Variants in TTC29 observed in about 807,000 individuals in gnomAD.
The protein encoded by TTC29 is tetratricopeptide repeat protein 29.
A neutral mutation model predicts 58.1 loss-of-function variants in TTC29; 49 were observed. That is an observed-to-expected ratio of 0.84 (90% CI 0.67 to 1.07). TTC29 has a LOEUF of 1.07. Among genes scored for constraint, TTC29 ranks in the 50% least tolerant of loss-of-function variants. The pLI, the probability that TTC29 is intolerant of heterozygous loss-of-function variation, is 0.00. For synonymous variants in TTC29, 209 were observed against 196.8 expected, an observed-to-expected ratio of 1.06 and a Z score of -0.52; for missense variants, 582 against 555.6, an observed-to-expected ratio of 1.05 and a Z score of -0.48.
intron 4 of TTC29, among the ~76,000 whole-genome samples, chr4:146,919,425 A>G (rs1734442168): frequency 6.6e-6 from 1 of 151,096 alleles, no homozygotes; most frequent in Non-Finnish European, 1.5e-5. Flanking sequence ...CTAATATAAC[A>G]AGAAGAAACA....
chr4:146,824,701 G>A (rs1332222016), intron 9 of TTC29, among the ~76,000 whole-genome samples: 1 of 152,126 alleles, frequency 6.6e-6, no homozygotes, highest in African/African-American at 2.4e-5. Context: ...TCATATATCT[G>A]GCAGAATTCA....
intron 4 of TTC29, among the ~76,000 whole-genome samples, chr4:146,930,084 CAT>C (rs70958534): frequency 0.018 from 1,398 of 77,392 alleles, 20 homozygotes; most frequent in East Asian, 0.024. Context: ...TGTGTGTGTG[CAT>C]ATATATATAT....
chr4:146,895,997 C>T (rs1406831262), intron 6 of TTC29, among the ~76,000 whole-genome samples: 4 of 152,022 alleles, frequency 2.6e-5, no homozygotes, highest in Non-Finnish European at 5.9e-5. Flanking sequence ...ATTAAAAATG[C>T]AGATAAAAAT....
At chr4:146,841,788 T>C (rs1391603325) in intron 8 of TTC29, among the ~76,000 whole-genome samples, 1 of 151,996 alleles carries the variant, frequency 6.6e-6, no homozygotes, top group Non-Finnish European at 1.5e-5. Context: ...CTGGAAGGTG[T>C]TCTACTGAGC....
chr4:146,761,560 G>T (rs1746902493), intron 11 of TTC29, among the ~76,000 whole-genome samples: 1 of 151,824 alleles, frequency 6.6e-6, no homozygotes, highest in Admixed American at 6.6e-5. Context: ...AGCTAAGTGT[G>T]GGTGAATAAT....
intron 11 of TTC29, among the ~76,000 whole-genome samples, chr4:146,763,365 T>C (rs543929093): frequency 6.6e-6 from 1 of 152,198 alleles, no homozygotes; most frequent in African/African-American, 2.4e-5. Context: ...TTTCTGACTT[T>C]TTTAACTACA....
At chr4:146,825,850 T>C (rs1185083619) in intron 9 of TTC29, among the ~76,000 whole-genome samples, 1 of 152,198 alleles carries the variant, frequency 6.6e-6, no homozygotes, top group East Asian at 1.9e-4. Context: ...CCTTTACCAT[T>C]ATGTAATGCT....
chr4:146,915,921 A>T (rs1449740635), intron 4 of TTC29, among the ~76,000 whole-genome samples: 1 of 151,932 alleles, frequency 6.6e-6, no homozygotes, highest in African/African-American at 2.4e-5. Context: ...ATCAAAAGAT[A>T]TGTAACATCT....
At position 146,803,597 on chromosome 4, in the gene TTC29, T is replaced by C; in HGVS notation, c.1190A>G (p.Lys397Arg). The C allele has an allele frequency of 6.2e-7, 1 of 1,609,108 alleles. No homozygotes were observed. Among genetic ancestry groups the C allele is most frequent in the Non-Finnish European group, 8.5e-7 (1 of 1,177,442 alleles). Residue 397 changes from lysine to arginine, a missense_variant, in exon 11 of 13, where the codon AAA becomes AGA. Transcript: ENST00000325106. ...AGCTTTTGCTATTCCATAGTGAACT[T>C]TTGTCTCATCCATCAGAGGCATGCT... ...LMSMPLMDET[K>R]VHYGIAKAHQ... is the part of the protein sequence containing the mutation.
chr4:146,752,166 C>A (rs1746054861), intron 11 of TTC29, among the ~76,000 whole-genome samples: 1 of 151,594 alleles, frequency 6.6e-6, no homozygotes, highest in African/African-American at 2.4e-5. Context: ...ATCTAGAAAA[C>A]CCCATTGTCT....
intron 11 of TTC29, among the ~76,000 whole-genome samples, chr4:146,772,531 G>C (rs941642393): frequency 6.6e-6 from 1 of 152,012 alleles, no homozygotes; most frequent in African/African-American, 2.4e-5. Flanking sequence ...TCAGATGATT[G>C]CAGGTGCGCA....
chr4:146,813,633 G>C (rs191189403), intron 10 of TTC29, among the ~76,000 whole-genome samples: 187 of 152,140 alleles, frequency 1.2e-3, no homozygotes, highest in African/African-American at 4.5e-3. Context: ...AGAAAATATT[G>C]GGTTTGCTTT....
chr4:146,794,504 A>T (rs1749694410), intron 11 of TTC29, among the ~76,000 whole-genome samples: 1 of 152,096 alleles, frequency 6.6e-6, no homozygotes, highest in South Asian at 2.1e-4. Flanking sequence ...CAGTATAAAT[A>T]TTAATCTCAA....
chr4:146,715,479 T>C (rs1177950984), intron 11 of TTC29, among the ~76,000 whole-genome samples: 3 of 152,146 alleles, frequency 2.0e-5, no homozygotes, highest in Non-Finnish European at 4.4e-5. Flanking sequence ...ATGAGCCTGG[T>C]GAACATTATG....
chr4:146,924,102 C>CAT (rs1156565902), intron 4 of TTC29, among the ~76,000 whole-genome samples: 2 of 151,660 alleles, frequency 1.3e-5, no homozygotes, highest in Non-Finnish European at 3.0e-5. Flanking sequence ...CAACAAATAA[C>CAT]ATATATATAG....
intron 5 of TTC29, among the ~76,000 whole-genome samples, chr4:146,906,578 T>G (rs1379212097): frequency 6.6e-6 from 1 of 152,224 alleles, no homozygotes; most frequent in African/African-American, 2.4e-5. Flanking sequence ...AGAGTGAATG[T>G]GCATATCTCA....
chr4:146,786,060 A>C (rs931143361), intron 11 of TTC29, among the ~76,000 whole-genome samples: 2 of 152,076 alleles, frequency 1.3e-5, no homozygotes, highest in Admixed American at 1.3e-4. Flanking sequence ...GGGATACCAG[A>C]AGAATATTCC....
chr4:146,721,613 C>T (rs983813825), intron 11 of TTC29, among the ~76,000 whole-genome samples: 3 of 151,998 alleles, frequency 2.0e-5, no homozygotes, highest in Non-Finnish European at 2.9e-5. Flanking sequence ...AGAAGGTGAC[C>T]GTTAGATGTC....
chr4:146,868,698 G>C (rs1730727599), intron 7 of TTC29, among the ~76,000 whole-genome samples: 1 of 152,098 alleles, frequency 6.6e-6, no homozygotes, highest in Non-Finnish European at 1.5e-5. Context: ...GGCTTCCAAT[G>C]TGACTAACTC....
Sources: allele counts gnomAD v4.1 joint callset (sites outside exome capture counted in the v4.1 genomes callset), GRCh38; gene constraint gnomAD v4.1.1; transcripts MANE v1.5; gene names NCBI Gene and HGNC (gene_info 2026-07-23, HGNC 2026-07-21).